Variants in ZNF317 observed in about 807,000 individuals in gnomAD.
ZNF317 encodes zinc finger protein 317, also known as KRAB-containing zinc finger protein 317.
In ZNF317, 17 loss-of-function variants were observed where a neutral mutation model predicts 23.4. That is an observed-to-expected ratio of 0.73 (90% CI 0.50 to 1.09). ZNF317 has a LOEUF of 1.09. ZNF317 is among the 50% of genes least tolerant of loss of function. The pLI, the probability that ZNF317 is intolerant of heterozygous loss-of-function variation, is 0.00. For missense variants in ZNF317, 679 were observed against 796.7 expected (o/e 0.85, Z 1.78); for synonymous variants, 317 against 314.9 (o/e 1.01, Z -0.07).
intron 2 of ZNF317, 94 bp downstream of exon 2, chr19:9,156,135 G>T (rs898056475): frequency 6.6e-7 from 1 of 1,504,660 alleles, no homozygotes. Context: ...ATAGAGGGCT[G>T]CTGGGAGAGG....
rs1331217118 is a variant in ZNF317, at chr19:9,162,295, CTG to C, written c.*864_*865del. 3.3e-5 allele frequency: 5 copies of C among 152,168 alleles called. No homozygotes were observed. Among genetic ancestry groups the C allele is most frequent in the Admixed American group, 2.6e-4 (4 of 15,286 alleles). 9.4% of individuals were successfully genotyped at this position (152,168 alleles called of 1,614,324 possible). A position where few individuals can be genotyped will look rare whatever the true frequency, so the allele number is the denominator to read the frequency against. On this transcript the variant is annotated 3_prime_UTR_variant, in exon 7 of 7. Transcript: ENST00000247956. ...GAAGAGTTAGTGCCCCCAAACGTCA[CTG>C]TTGCTGAGGTTGAAAATAATCATGC...
intron 6 of ZNF317, among the ~76,000 whole-genome samples, chr19:9,159,513 G>A (rs1388330589): frequency 6.9e-6 from 1 of 144,728 alleles, no homozygotes; most frequent in Non-Finnish European, 1.5e-5. Context: ...CAATTCAGTG[G>A]TTTTTGTTTG....
At chr19:9,140,862 G>A (rs973319100) in intron 1 of ZNF317, among the ~76,000 whole-genome samples, 9 of 152,164 alleles carry the variant, frequency 5.9e-5, no homozygotes, top group Non-Finnish European at 1.3e-4. Flanking sequence ...AAGCCCGGCT[G>A]AAGTGAATTC....
intron 1 of ZNF317, among the ~76,000 whole-genome samples, chr19:9,146,749 G>A (rs7256391): frequency 0.24 from 36,785 of 152,000 alleles, 4,913 homozygotes; most frequent in African/African-American, 0.37. Flanking sequence ...GTGAATAACA[G>A]TGGTAGAAAT....
chr19:9,148,339 A>T (rs993286922), intron 1 of ZNF317, among the ~76,000 whole-genome samples: 2 of 152,230 alleles, frequency 1.3e-5, no homozygotes, highest in African/African-American at 4.8e-5. Flanking sequence ...GTTGCAAAAC[A>T]TCGACAAGGT....
intron 6 of ZNF317, among the ~76,000 whole-genome samples, chr19:9,159,519 G>A (rs563736491): frequency 3.4e-5 from 5 of 146,804 alleles, no homozygotes; most frequent in East Asian, 2.1e-4. Context: ...AGTGGTTTTT[G>A]TTTGTTTGTT....
At chr19:9,147,643 G>A (rs1314768514) in intron 1 of ZNF317, among the ~76,000 whole-genome samples, 2 of 152,106 alleles carry the variant, frequency 1.3e-5, no homozygotes, top group Admixed American at 6.6e-5. Flanking sequence ...GGCTGATCCT[G>A]GTTTTGTTTC....
At position 9,158,826 on chromosome 19, in the gene ZNF317, AT is replaced by A; in HGVS notation, c.388del (p.Trp130GlyfsTer25). ...ERGAHQGACA[D>X]WETPSKTKWS... The stretch of plus-strand genomic sequence containing the variant: ...TTAATACTTTTCCAATTTGTTTCAG[AT>A]TGGGAGACTCCATCTAAAACCAAGT... On this transcript the variant is annotated frameshift_variant and splice_region_variant, in exon 6 of 7. Coordinates refer to ENST00000247956, the MANE Select transcript of ZNF317 (RefSeq NM_020933.5). LOFTEE classifies it high-confidence loss of function. 6.3e-7 allele frequency: 1 copy of A among 1,599,750 alleles called. No homozygotes were observed. The highest frequency in any genetic ancestry group is 1.1e-5 in the South Asian group (1 of 90,760).
chr19:9,140,409 G>A lies in ZNF317; in HGVS notation c.-276G>A, dbSNP rs1393041631. 18 of 398,696 alleles carry A rather than the reference G, an allele frequency of 4.5e-5. No individual in the cohort carries two copies. The highest frequency in any genetic ancestry group is 8.6e-5 in the Non-Finnish European group (17 of 197,902). The allele number at this position is 398,696 out of a possible 1,614,324, so 24.7% of individuals were successfully genotyped here. On this transcript the variant is annotated 5_prime_UTR_variant, in exon 1 of 7. Transcript: ENST00000247956. ...ATTGGAAGGCGGCAGTGAAGCGGAAGCCATTACTCTCTGGAGTCGATTGCC... is the reference window on the plus strand; with the variant it reads ...ATTGGAAGGCGGCAGTGAAGCGGAAACCATTACTCTCTGGAGTCGATTGCC...
chr19:9,155,684 T>G (rs1167790534), intron 1 of ZNF317, among the ~76,000 whole-genome samples: 1 of 152,208 alleles, frequency 6.6e-6, no homozygotes, highest in East Asian at 1.9e-4. Flanking sequence ...AGAGTTGTAC[T>G]TGGTGGAAAA....
At chr19:9,158,689 C>T in intron 5 of ZNF317, 137 bp from the exon 6 acceptor site, 1 of 650,208 alleles carries the variant, frequency 1.5e-6, no homozygotes, top group South Asian at 1.9e-5. Context: ...CTCACATGAC[C>T]AGATTTTTTA....
intron 4 of ZNF317, 125 bp downstream of exon 4, chr19:9,157,519 C>A: frequency 7.7e-7 from 1 of 1,292,018 alleles, no homozygotes; most frequent in Non-Finnish European, 1.1e-6. Context: ...GCCCCAGCAC[C>A]CATGCTTAAT....
chr19:9,158,146 A>G, intron 5 of ZNF317, 71 bp downstream of exon 5: 4 of 1,463,026 alleles, frequency 2.7e-6, no homozygotes, highest in Non-Finnish European at 3.6e-6. Flanking sequence ...GGAGGGAGGT[A>G]GGTTAGGGAG....
At chr19:9,153,224 C>A (rs1482481892) in intron 1 of ZNF317, among the ~76,000 whole-genome samples, 1 of 152,102 alleles carries the variant, frequency 6.6e-6, no homozygotes, top group African/African-American at 2.4e-5. Flanking sequence ...TGTGATGGCA[C>A]GATCTCAGCT....
At position 9,162,629 on chromosome 19, in the gene ZNF317, C is replaced by A. The variant is rs1205761862; in HGVS notation, c.*1196C>A. 1 of 151,582 alleles carries A rather than the reference C, an allele frequency of 6.6e-6. No homozygotes were observed. The highest frequency in any genetic ancestry group is 2.1e-4 in the South Asian group (1 of 4,790). 9.4% of individuals were successfully genotyped at this position (151,582 alleles called of 1,614,324 possible). On this transcript the variant is annotated 3_prime_UTR_variant, in exon 7 of 7. Coordinates refer to ENST00000247956, the MANE Select transcript of ZNF317 (RefSeq NM_020933.5). ...TACGGGACTGCACGTACTCTCTCATCATGAAAACAGAGCCCCGTTCATAAA... is the reference window on the plus strand; with the variant it reads ...TACGGGACTGCACGTACTCTCTCATAATGAAAACAGAGCCCCGTTCATAAA...
chr19:9,161,666 G>A lies in ZNF317; in HGVS notation c.*233G>A. Reference sequence around the variant, plus strand: ...GTCTGTAGCATGGAGAAGCCTTCAGGGTACATTCAGCTCTTAACAAACACA... The same window carrying A: ...GTCTGTAGCATGGAGAAGCCTTCAGAGTACATTCAGCTCTTAACAAACACA... On this transcript the variant is annotated 3_prime_UTR_variant, in exon 7 of 7. Transcript: ENST00000247956. This position sits in a 1 kb window ranked among gnomAD's most constrained non-coding sequence, Gnocchi z 4.0. 1 of 530,512 alleles carries A rather than the reference G, an allele frequency of 1.9e-6. No individual in the cohort carries two copies. Among genetic ancestry groups the A allele is most frequent in the South Asian group, 2.8e-5 (1 of 35,690 alleles). 32.9% of individuals were successfully genotyped at this position (530,512 alleles called of 1,614,324 possible). A position where few individuals can be genotyped will look rare whatever the true frequency, so the allele number is the denominator to read the frequency against.
chr19:9,153,780 G>A (rs190797079), intron 1 of ZNF317, among the ~76,000 whole-genome samples: 29 of 152,244 alleles, frequency 1.9e-4, no homozygotes, highest in Admixed American at 7.8e-4. Context: ...CCACATTTTC[G>A]TGAGACTCTA....
chr19:9,150,353 C>G (rs2050725616), intron 1 of ZNF317, among the ~76,000 whole-genome samples: 1 of 152,148 alleles, frequency 6.6e-6, no homozygotes, highest in Non-Finnish European at 1.5e-5. Context: ...ATACATAACC[C>G]AGTGTTAAAG....
intron 1 of ZNF317, among the ~76,000 whole-genome samples, chr19:9,154,889 T>G (rs1021525570): frequency 3.9e-5 from 6 of 152,216 alleles, no homozygotes; most frequent in Admixed American, 2.6e-4. Context: ...ATTGGTAGTC[T>G]TTTTTATTTT....
Sources: gnomAD v4.1 joint callset for allele counts (sites outside exome capture counted in the v4.1 genomes callset) on GRCh38, gnomAD v4.1.1 for gene constraint, Gnocchi (gnomAD v3.1) non-coding constraint, MANE v1.5 for transcripts, NCBI Gene and HGNC (gene_info 2026-07-23, HGNC 2026-07-21) for gene names.